TMTC3: variants seen among roughly 807,000 people sequenced by gnomAD.
TMTC3 encodes transmembrane O-mannosyltransferase targeting cadherins 3.
A neutral mutation model predicts 92.2 loss-of-function variants in TMTC3; 52 were observed. The observed-to-expected ratio is 0.56, with a 90% CI of 0.45 to 0.71. TMTC3 has a LOEUF of 0.71. Ranked by LOEUF, TMTC3 falls within the 30% of genes least tolerant of loss-of-function variation. TMTC3 has a pLI of 0.00. For synonymous variants in TMTC3, 339 were observed against 363.3 expected (o/e 0.93, Z 0.76); for missense variants, 896 against 1,057.1 (o/e 0.85, Z 2.11).
chr12:88,175,362 C>T (rs1366955626), intron 9 of TMTC3, among the ~76,000 whole-genome samples: 3 of 152,122 alleles, frequency 2.0e-5, no homozygotes, highest in Non-Finnish European at 4.4e-5. Context: ...TTTTCAAGCT[C>T]TCCCTTACCA....
chr12:88,192,796 A>G lies in TMTC3; in HGVS notation c.1899A>G (p.Ala633=), dbSNP rs1412735170. Residue 633 remains alanine (A), a synonymous_variant, in exon 13 of 14, where the codon GCA becomes GCG. Transcript: ENST00000266712. The stretch of plus-strand genomic sequence containing the variant: ...AACTAAATCCAAAGCATAAACTAGC[A>G]TTATTCAACTCTGCTATAGTAATGC... The part of the protein sequence containing the change: ...ALELNPKHKL[A]LFNSAIVMQE... 1 of 1,612,900 alleles carries G rather than the reference A, an allele frequency of 6.2e-7. No homozygotes were observed. Among genetic ancestry groups the G allele is most frequent in the African/African-American group, 1.3e-5 (1 of 74,906 alleles).
At chr12:88,159,402 A>C (rs887247658) in intron 4 of TMTC3, among the ~76,000 whole-genome samples, 1 of 152,166 alleles carries the variant, frequency 6.6e-6, no homozygotes, top group Non-Finnish European at 1.5e-5. Context: ...GGCTAGACAC[A>C]ATGGCTCGTG....
chr12:88,160,792 A>G lies in TMTC3; in HGVS notation c.738A>G (p.Thr246=), dbSNP rs950585761. ...AACTCATTGTCTTGATGTTCAGTAC[A>G]TTATTACTTGTTGTGATTAGAGTCC... is the stretch of plus-strand genomic sequence containing the variant. ...LVKLIVLMFS[T]LLLVVIRVQV... is the part of the protein sequence containing the mutation. The change falls in exon 6 of 14, where the codon ACA becomes ACG. Residue 246 remains threonine, a synonymous_variant. Coordinates refer to ENST00000266712, the MANE Select transcript of TMTC3 (RefSeq NM_181783.4). 2 of 1,613,478 alleles carry G rather than the reference A, an allele frequency of 1.2e-6. No homozygotes were observed. Among genetic ancestry groups the G allele is most frequent in the African/African-American group, 1.3e-5 (1 of 75,012 alleles).
intron 4 of TMTC3, among the ~76,000 whole-genome samples, chr12:88,155,606 C>T (rs1360784336): frequency 6.6e-6 from 1 of 152,140 alleles, no homozygotes; most frequent in African/African-American, 2.4e-5. Flanking sequence ...GAATTTTCTT[C>T]CCTTAGATCT....
chr12:88,173,639 T>C (rs1490514317), intron 8 of TMTC3, among the ~76,000 whole-genome samples: 1 of 152,058 alleles, frequency 6.6e-6, no homozygotes, highest in African/African-American at 2.4e-5. Flanking sequence ...CCACAGATAA[T>C]CTCATCCCTG....
Position 88,148,325 on chromosome 12 carries a change from A to G in TMTC3, c.10A>G (p.Ile4Val), listed in dbSNP as rs146954242. 1.2e-4 allele frequency: 197 copies of G among 1,607,506 alleles called. No individual in the cohort carries two copies. Among genetic ancestry groups the G allele is most frequent in the Non-Finnish European group, 1.6e-4 (187 of 1,177,854 alleles). Residue 4 changes from isoleucine to valine, a missense_variant, in exon 2 of 14, where the codon ATT becomes GTT. Coordinates refer to ENST00000266712, the MANE Select transcript of TMTC3 (RefSeq NM_181783.4). ...AGTGCTTATAGAAAAGATGGCTAAT[A>G]TTAACCTAAAAGAAATAACCTTAAT... MAN[I>V]NLKEITLIVG...
chr12:88,162,837 A>G (rs1420941553), intron 6 of TMTC3, among the ~76,000 whole-genome samples: 2 of 151,832 alleles, frequency 1.3e-5, no homozygotes, highest in Non-Finnish European at 2.9e-5. Flanking sequence ...AATGTATTCT[A>G]TAAATTTTGA....
chr12:88,160,594 A>G (rs1043570557), intron 5 of TMTC3, 85 bp from the exon 6 acceptor site: 24 of 1,169,270 alleles, frequency 2.1e-5, no homozygotes, highest in Non-Finnish European at 2.7e-5. Context: ...CTTGTATCTA[A>G]TCTTGCAATT....
chr12:88,160,941 GT>G (rs974868536), intron 6 of TMTC3, 90 bp downstream of exon 6: 5 of 1,314,772 alleles, frequency 3.8e-6, no homozygotes, highest in Non-Finnish European at 5.2e-6. Flanking sequence ...ATTTTATTTT[GT>G]TTTTTAACAG....
At chr12:88,173,216 C>A in intron 8 of TMTC3, 1 of 542,230 alleles carries the variant, frequency 1.8e-6, no homozygotes, top group Non-Finnish European at 2.8e-6. Flanking sequence ...TAAGGAACAG[C>A]ATAGTCACAC....
Position 88,153,329 on chromosome 12 carries a change from G to A in TMTC3, c.228G>A (p.Leu76=). ...AGTCTTACCGTCCCTTAACAGTATT[G>A]ACATTTCGCTTAAATTATTTGTTAA... ...SHKSYRPLTV[L]TFRLNYLLSE... The change falls in exon 3 of 14, where the codon TTG becomes TTA. Residue 76 remains leucine, a synonymous_variant. Coordinates refer to ENST00000266712, the MANE Select transcript of TMTC3 (RefSeq NM_181783.4). 1 of 1,613,108 alleles carries A rather than the reference G, an allele frequency of 6.2e-7. No individual in the cohort carries two copies.
chr12:88,177,006 G>T (rs375776299), intron 10 of TMTC3, among the ~76,000 whole-genome samples: 16 of 152,014 alleles, frequency 1.1e-4, no homozygotes, highest in African/African-American at 3.9e-4. Flanking sequence ...AGAAAGGATG[G>T]TAAGATAAGA....
rs761525817 is a variant in TMTC3, at chr12:88,192,599, C to G, written c.1707-5C>G. On this transcript the variant is annotated splice_polypyrimidine_tract_variant and splice_region_variant and intron_variant, in intron 12 of 13. Coordinates refer to ENST00000266712, the MANE Select transcript of TMTC3 (RefSeq NM_181783.4). Reference sequence around the variant, plus strand: ...AAGTAAAGCTTGTGTTTGATTTTTCCACAGAGGAGAATTGCTTTTAAAAAT... The same window carrying G: ...AAGTAAAGCTTGTGTTTGATTTTTCGACAGAGGAGAATTGCTTTTAAAAAT... The G allele has an allele frequency of 6.3e-7, 1 of 1,590,024 alleles. No homozygotes were observed. The highest frequency in any genetic ancestry group is 8.6e-7 in the Non-Finnish European group (1 of 1,161,516).
Position 88,197,755 on chromosome 12 carries a change from A to ATAAG in TMTC3, c.*2108_*2111dup, listed in dbSNP as rs1455270457. ...ATAATTTATTTAAATCAAGACCACCATAAGTCATTAATAATTTAATAATTG... is the reference window on the plus strand; with the variant it reads ...ATAATTTATTTAAATCAAGACCACCATAAGTAAGTCATTAATAATTTAATAATTG... On this transcript the variant is annotated 3_prime_UTR_variant, in exon 14 of 14. Coordinates refer to ENST00000266712, the MANE Select transcript of TMTC3 (RefSeq NM_181783.4). The ATAAG allele has an allele frequency of 6.6e-6, 1 of 152,108 alleles. No homozygotes were observed. The highest frequency in any genetic ancestry group is 1.5e-5 in the Non-Finnish European group (1 of 67,964). The allele number at this position is 152,108 out of a possible 1,614,324, so 9.4% of individuals were successfully genotyped here. A position where few individuals can be genotyped will look rare whatever the true frequency, so the allele number is the denominator to read the frequency against.
intron 1 of TMTC3, among the ~76,000 whole-genome samples, chr12:88,145,661 T>C (rs2468224): frequency 0.88 from 134,083 of 152,176 alleles, 59,972 homozygotes; most frequent in East Asian, 0.99. Flanking sequence ...TGGTAATCTA[T>C]GTGTTGCAAG....
At chr12:88,194,764 T>G in intron 13 of TMTC3, 74 bp from the exon 14 acceptor site, 1 of 1,007,772 alleles carries the variant, frequency 9.9e-7, no homozygotes. Flanking sequence ...AATCTAAGTA[T>G]TTGAAAATGG....
At position 88,195,991 on chromosome 12, in the gene TMTC3, A is replaced by G; in HGVS notation, c.*342A>G. 5.8e-6 allele frequency: 1 copy of G among 172,984 alleles called. No individual in the cohort carries two copies. The highest frequency in any genetic ancestry group is 1.2e-5 in the Non-Finnish European group (1 of 81,644). The allele number at this position is 172,984 out of a possible 1,614,324, so 10.7% of individuals were successfully genotyped here. A position where few individuals can be genotyped will look rare whatever the true frequency, so the allele number is the denominator to read the frequency against. On this transcript the variant is annotated 3_prime_UTR_variant, in exon 14 of 14. Transcript: ENST00000266712. Reference sequence around the variant, plus strand: ...GCCTGAATGATAATCCCTTGAGGACAAATCCAACATGTGCTGGTTTATTCT... The same window carrying G: ...GCCTGAATGATAATCCCTTGAGGACGAATCCAACATGTGCTGGTTTATTCT...
chr12:88,154,208 A>T, intron 3 of TMTC3, 80 bp from the exon 4 acceptor site: 2 of 1,001,832 alleles, frequency 2.0e-6, no homozygotes, highest in Non-Finnish European at 2.9e-6. Flanking sequence ...TACGGAAATT[A>T]AAGTATTTTT....
intron 1 of TMTC3, among the ~76,000 whole-genome samples, chr12:88,144,784 T>A (rs1488810270): frequency 6.6e-6 from 1 of 152,254 alleles, no homozygotes; most frequent in African/African-American, 2.4e-5. Context: ...TAAGTTTTTA[T>A]GCATTGTCGT....
Sources: allele counts gnomAD v4.1 joint callset (sites outside exome capture counted in the v4.1 genomes callset), GRCh38; gene constraint gnomAD v4.1.1; transcripts MANE v1.5; gene names NCBI Gene and HGNC (gene_info 2026-07-23, HGNC 2026-07-21).